The following PLCB4 variants were observed in gnomAD, a reference collection of about 807,000 sequenced individuals.
PLCB4 encodes phospholipase C beta 4.
A neutral mutation model predicts 178.8 loss-of-function variants in PLCB4; 77 were observed. The observed-to-expected ratio is 0.43, with a 90% CI of 0.36 to 0.52. The LOEUF (loss-of-function observed/expected upper bound fraction) is 0.52. Ranked by LOEUF, PLCB4 falls within the 20% of genes least tolerant of loss-of-function variation. The probability of loss-of-function intolerance (pLI) is 0.00; values close to 1 mark genes in which losing one functional copy is unlikely to be tolerated. For synonymous variants in PLCB4, 496 were observed against 490.8 expected, an observed-to-expected ratio of 1.01 and a Z score of -0.14; for missense variants, 1,024 against 1,453.4, an observed-to-expected ratio of 0.70 and a Z score of 4.80.
intron 29 of PLCB4, 88 bp from the exon 30 acceptor site, chr20:9,436,914 T>G (rs2041808700): frequency 7.9e-6 from 10 of 1,270,532 alleles, no homozygotes; most frequent in Non-Finnish European, 1.1e-5. Flanking sequence ...ATGGTAGAAG[T>G]TTACTGGATT....
chr20:9,450,741 C>T (rs530815345), intron 32 of PLCB4, among the ~76,000 whole-genome samples: 47 of 149,850 alleles, frequency 3.1e-4, no homozygotes, highest in Admixed American at 1.1e-3. Flanking sequence ...CTATGCCTCC[C>T]GGGTTCAAGC....
At chr20:9,365,152 T>G in intron 8 of PLCB4, among the ~76,000 whole-genome samples, 1 of 152,224 alleles carries the variant, frequency 6.6e-6, no homozygotes, top group East Asian at 1.9e-4. Flanking sequence ...TAGAGGACAC[T>G]TAGTTAAATA....
At chr20:9,420,384 C>T (rs1332603161) in intron 26 of PLCB4, among the ~76,000 whole-genome samples, 1 of 152,016 alleles carries the variant, frequency 6.6e-6, no homozygotes. Context: ...GTCGCCCAGG[C>T]AGGAGTGCAG....
intron 3 of PLCB4, among the ~76,000 whole-genome samples, chr20:9,247,858 T>G (rs2094141056): frequency 6.6e-6 from 1 of 152,190 alleles, no homozygotes; most frequent in Non-Finnish European, 1.5e-5. Context: ...TGGGAAACAT[T>G]TAATGCAGCC....
chr20:9,075,446 C>T (rs2089809658), intron 1 of PLCB4, among the ~76,000 whole-genome samples: 2 of 152,154 alleles, frequency 1.3e-5, no homozygotes, highest in African/African-American at 4.8e-5. Flanking sequence ...GCCAGAAATC[C>T]GAGATAGGGA....
intron 2 of PLCB4, among the ~76,000 whole-genome samples, chr20:9,189,474 G>C (rs1432641061): frequency 6.8e-6 from 1 of 147,258 alleles, no homozygotes; most frequent in African/African-American, 2.5e-5. Flanking sequence ...CATTGTGGAG[G>C]GCTGTCATAT....
chr20:9,250,465 A>G (rs2094168594), intron 3 of PLCB4, among the ~76,000 whole-genome samples: 1 of 152,234 alleles, frequency 6.6e-6, no homozygotes, highest in Non-Finnish European at 1.5e-5. Context: ...CCCAAGTATT[A>G]CCTTAAGACT....
intron 34 of PLCB4, among the ~76,000 whole-genome samples, chr20:9,457,870 T>C (rs1469699520): frequency 6.6e-6 from 1 of 152,132 alleles, no homozygotes; most frequent in Non-Finnish European, 1.5e-5. Context: ...TGGGAGGTGA[T>C]ACTTACTCCA....
chr20:9,207,937 G>C (rs559731398), intron 2 of PLCB4, among the ~76,000 whole-genome samples: 41 of 152,218 alleles, frequency 2.7e-4, no homozygotes, highest in Non-Finnish European at 4.0e-4. Context: ...TCATAGACTT[G>C]CTGAACAAGG....
At chr20:9,149,298 C>T (rs897178711) in intron 2 of PLCB4, among the ~76,000 whole-genome samples, 20 of 152,166 alleles carry the variant, frequency 1.3e-4, no homozygotes, top group Non-Finnish European at 1.6e-4. Context: ...GATAACGTCA[C>T]ATCCTTCCAT....
chr20:9,255,084 G>A (rs2094219590), intron 3 of PLCB4, among the ~76,000 whole-genome samples: 1 of 152,252 alleles, frequency 6.6e-6, no homozygotes, highest in South Asian at 2.1e-4. Flanking sequence ...ATATAGTGAA[G>A]TATATCTAAT....
At chr20:9,432,422 G>A (rs541368207) in intron 28 of PLCB4, among the ~76,000 whole-genome samples, 3 of 152,258 alleles carry the variant, frequency 2.0e-5, no homozygotes, top group South Asian at 2.1e-4. Flanking sequence ...AAAAATTAGC[G>A]AGTATTTGTT....
intron 38 of PLCB4, among the ~76,000 whole-genome samples, chr20:9,476,050 A>G (rs548705280): frequency 1.2e-4 from 18 of 152,168 alleles, no homozygotes; most frequent in Non-Finnish European, 2.4e-4. Context: ...CTGTGACCCT[A>G]CTCCTAATCG....
intron 35 of PLCB4, among the ~76,000 whole-genome samples, chr20:9,463,041 A>T (rs990052692): frequency 2.0e-5 from 3 of 152,200 alleles, no homozygotes; most frequent in Non-Finnish European, 4.4e-5. Context: ...CCCACAAAGG[A>T]AAGTCTATCA....
chr20:9,264,069 T>C (rs2094324759), intron 3 of PLCB4, among the ~76,000 whole-genome samples: 1 of 152,182 alleles, frequency 6.6e-6, no homozygotes, highest in Non-Finnish European at 1.5e-5. Flanking sequence ...CAAGTTTTGA[T>C]TTAGGAGAAA....
intron 2 of PLCB4, among the ~76,000 whole-genome samples, chr20:9,192,409 A>C (rs2093416176): frequency 6.6e-6 from 1 of 152,160 alleles, no homozygotes; most frequent in South Asian, 2.1e-4. Flanking sequence ...AGTTTTTGGC[A>C]GGGCCAGGTT....
chr20:9,209,450 C>T (rs1014108169), intron 2 of PLCB4, among the ~76,000 whole-genome samples: 2 of 151,400 alleles, frequency 1.3e-5, no homozygotes, highest in South Asian at 2.1e-4. Flanking sequence ...GGATGTCACT[C>T]CTGTGATTAA....
At chr20:9,260,226 C>T (rs1238262592) in intron 3 of PLCB4, among the ~76,000 whole-genome samples, 2 of 152,072 alleles carry the variant, frequency 1.3e-5, no homozygotes, top group Non-Finnish European at 2.9e-5. Flanking sequence ...CCCTTAGTCA[C>T]CACCCAGTTT....
chr20:9,340,119 T>G (rs1314532160), intron 7 of PLCB4, among the ~76,000 whole-genome samples: 1 of 152,170 alleles, frequency 6.6e-6, no homozygotes, highest in Non-Finnish European at 1.5e-5. Context: ...AAGTGGAAAC[T>G]CAGTGTAGGT....
Sources: allele counts gnomAD v4.1 joint callset (sites outside exome capture counted in the v4.1 genomes callset), GRCh38; gene constraint gnomAD v4.1.1; transcripts MANE v1.5; gene names NCBI Gene and HGNC (gene_info 2026-07-23, HGNC 2026-07-21).